RGPD4: variants seen among roughly 807,000 people sequenced by gnomAD.
RGPD4 encodes the protein ranBP2-like and GRIP domain-containing protein 4.
In RGPD4, 84 loss-of-function variants were observed where a neutral mutation model predicts 141.1. That is an observed-to-expected ratio of 0.60 (90% CI 0.50 to 0.71). The LOEUF is 0.71. Among genes scored for constraint, RGPD4 ranks in the 30% least tolerant of loss-of-function variants. The pLI, the probability that RGPD4 is intolerant of heterozygous loss-of-function variation, is 0.00. For synonymous variants in RGPD4, 298 were observed against 566.8 expected, an observed-to-expected ratio of 0.53 and a Z score of 6.74; for missense variants, 918 against 1,622.4, an observed-to-expected ratio of 0.57 and a Z score of 7.46.
At chr2:107,883,621 A>G (rs1410906628) in intron 22 of RGPD4, among the ~76,000 whole-genome samples, 52 of 63,384 alleles carry the variant, frequency 8.2e-4, no homozygotes, top group Non-Finnish European at 1.5e-3. Flanking sequence ...GCGAGACTCC[A>G]TCTCAAAAAA....
At chr2:107,858,448 C>G (rs1277112973) in intron 9 of RGPD4, among the ~76,000 whole-genome samples, 13 of 139,000 alleles carry the variant, frequency 9.4e-5, no homozygotes, top group African/African-American at 3.2e-4. Context: ...CTTTTCTTTT[C>G]TTTTTTTTGA....
At chr2:107,876,776 G>A (rs1246869820) in intron 20 of RGPD4, among the ~76,000 whole-genome samples, 1 of 151,838 alleles carries the variant, frequency 6.6e-6, no homozygotes, top group African/African-American at 2.4e-5. Flanking sequence ...TTTAGTATAT[G>A]CCAAAGAATC....
rs1484600684 is a variant in RGPD4 at position 107,846,570 on chromosome 2, G to A, written c.783-1771G>A. On this transcript the variant is annotated intron_variant, in intron 6 of 22. Coordinates refer to ENST00000408999, the MANE Select transcript of RGPD4 (RefSeq NM_182588.3). ...CAACCTCTGCTTCCCAGGTTCAAGCGATTCTCCTGCCTCAGCCTCCCAAGT... is the reference window on the plus strand; with the variant it reads ...CAACCTCTGCTTCCCAGGTTCAAGCAATTCTCCTGCCTCAGCCTCCCAAGT... Among the ~76,000 whole-genome samples, 15 of 149,920 alleles carry A rather than the reference G, an allele frequency of 1.0e-4. No individual in the cohort carries two copies. The East Asian group carries it at 2.5e-3, about 24-fold the overall frequency.
intron 20 of RGPD4, among the ~76,000 whole-genome samples, chr2:107,873,667 AG>A (rs1270626037): frequency 6.6e-6 from 1 of 151,846 alleles, no homozygotes; most frequent in Non-Finnish European, 1.5e-5. Context: ...AAAGGAGCAA[AG>A]AATGAAACTA....
chr2:107,853,941 G>A lies in RGPD4; in HGVS notation c.979-615G>A, dbSNP rs1396688417. Among the ~76,000 whole-genome samples the A allele has an allele frequency of 3.8e-5, 5 of 131,056 alleles. No individual in the cohort carries two copies. The East Asian group carries it at 1.1e-3, about 28-fold the overall frequency. The allele number at this position is 131,056 out of a possible 152,430, so 86.0% of individuals were successfully genotyped here. ...TAAAAAAAACTTTTTTTAGAGATAG[G>A]GTCTCACCGTGTTGTTCAGGCTGGT... On this transcript the variant is annotated intron_variant, in intron 7 of 22. Transcript: ENST00000408999.
In RGPD4 at chr2:107,882,746, G is replaced by A; in HGVS notation, c.5139G>A (p.Leu1713=). ...QEESAANVEH[L]KNVLLQFIFL... ...AGTCTGCAGCTAACGTGGAACACTTGAAGAACGTCTTGCTGCAGTTCATTT... is the reference window on the plus strand; with the variant it reads ...AGTCTGCAGCTAACGTGGAACACTTAAAGAACGTCTTGCTGCAGTTCATTT... The change falls in exon 22 of 23, where the codon TTG becomes TTA. Residue 1713 remains leucine, a synonymous_variant. Coordinates refer to ENST00000408999, the MANE Select transcript of RGPD4 (RefSeq NM_182588.3). 1 of 1,611,660 alleles carries A rather than the reference G, an allele frequency of 6.2e-7. No homozygotes were observed.
chr2:107,882,702 A>G lies in RGPD4; in HGVS notation c.5095A>G (p.Arg1699Gly), dbSNP rs1368754105. 1.9e-6 allele frequency: 3 copies of G among 1,611,646 alleles called. No homozygotes were observed. In the South Asian group the frequency reaches 3.3e-5, roughly 18 times the overall value. The change falls in exon 22 of 23, where the codon AGG (arginine) becomes GGG (glycine). Residue 1699 changes from arginine (R) to glycine (G), a missense_variant. By Grantham distance (125) the Arg-to-Gly change is moderately radical. Coordinates refer to ENST00000408999, the MANE Select transcript of RGPD4 (RefSeq NM_182588.3). Reference sequence around the variant, plus strand: ...CAAAAGTGAAATAAGAAGATTGGAAAGGAATCAAGAGCAAGAGGAGTCTGC... The same window carrying G: ...CAAAAGTGAAATAAGAAGATTGGAAGGGAATCAAGAGCAAGAGGAGTCTGC... Reference protein sequence around the residue: ...LLKSEIRRLERNQEQEESAAN... With the variant: ...LLKSEIRRLEGNQEQEESAAN...
At chr2:107,855,624 GT>G (rs1285521988) in intron 8 of RGPD4, among the ~76,000 whole-genome samples, 1 of 141,664 alleles carries the variant, frequency 7.1e-6, no homozygotes, top group African/African-American at 2.6e-5. Context: ...TCGAAGGAGG[GT>G]TTTTTTAAAA....
intron 6 of RGPD4, among the ~76,000 whole-genome samples, chr2:107,845,414 G>A (rs549576019): frequency 4.0e-5 from 6 of 150,506 alleles, no homozygotes; most frequent in Admixed American, 2.0e-4. Context: ...CCTGAGGACA[G>A]CCCTTGGCCC....
At chr2:107,833,272 G>GA (rs1455172344) in intron 1 of RGPD4, among the ~76,000 whole-genome samples, 1 of 152,048 alleles carries the variant, frequency 6.6e-6, no homozygotes, top group East Asian at 1.9e-4. Flanking sequence ...ACTGCATAAT[G>GA]AAAAAGTAGG....
At position 107,883,037 on chromosome 2, in the gene RGPD4, T is replaced by A. The variant is rs968544435; in HGVS notation, c.5266+164T>A. On this transcript the variant is annotated intron_variant, in intron 22 of 22. Transcript: ENST00000408999. ...GATTTGAAAAGCTGACTTTTTAACA[T>A]CTTGGGGCAACTGTAGTACATTTAT... 10 of 1,208,976 alleles carry A rather than the reference T, an allele frequency of 8.3e-6. 1 individual carries two copies. Among genetic ancestry groups the A allele is most frequent in the African/African-American group, 3.1e-5 (2 of 64,018 alleles). 74.9% of individuals were successfully genotyped at this position (1,208,976 alleles called of 1,614,324 possible).
intron 1 of RGPD4, among the ~76,000 whole-genome samples, chr2:107,829,942 TGG>T (rs1681417339): frequency 6.6e-6 from 1 of 151,922 alleles, no homozygotes; most frequent in Non-Finnish European, 1.5e-5. Flanking sequence ...AGGAACCCAG[TGG>T]GGACTGACGC....
chr2:107,849,670 CTT>C (rs551638640), intron 7 of RGPD4, among the ~76,000 whole-genome samples: 44 of 60,772 alleles, frequency 7.2e-4, no homozygotes, highest in South Asian at 1.2e-3. Context: ...CATGCCCAGC[CTT>C]TTTTTTTTTT....
At chr2:107,833,853 T>C (rs1681578754) in intron 1 of RGPD4, among the ~76,000 whole-genome samples, 1 of 152,086 alleles carries the variant, frequency 6.6e-6, no homozygotes, top group Admixed American at 6.5e-5. Context: ...CTGGCCAACA[T>C]GGTGAAACCC....
chr2:107,859,920 T>A, intron 12 of RGPD4, 75 bp downstream of exon 12: 1 of 1,496,262 alleles, frequency 6.7e-7, no homozygotes, highest in Non-Finnish European at 8.9e-7. Context: ...TTATTGAAAG[T>A]TTTTTTGTTC....
rs542057138 is a variant in RGPD4 at position 107,890,838 on chromosome 2, A to C, written c.*107A>C. The C allele has an allele frequency of 4.2e-4, 628 of 1,489,844 alleles. 3 individuals carry two copies. The East Asian group carries it at 0.013, about 31-fold the overall frequency. 92.3% of individuals were successfully genotyped at this position (1,489,844 alleles called of 1,614,324 possible). On this transcript the variant is annotated 3_prime_UTR_variant, in exon 23 of 23. Coordinates refer to ENST00000408999, the MANE Select transcript of RGPD4 (RefSeq NM_182588.3). ...ATTAACCAAATAAAATCTATTTACA[A>C]AAATGGTTCATGTGTATTACCATCA...
chr2:107,885,613 G>A (rs1453177401), intron 22 of RGPD4, among the ~76,000 whole-genome samples: 1 of 152,074 alleles, frequency 6.6e-6, no homozygotes, highest in African/African-American at 2.4e-5. Flanking sequence ...TAAACAGACA[G>A]GAAAACACAT....
At position 107,872,140 on chromosome 2, in the gene RGPD4, T is replaced by C. The variant is rs756820833; in HGVS notation, c.4136T>C (p.Ile1379Thr). The C allele has an allele frequency of 2.4e-5, 39 of 1,611,412 alleles. 1 individual carries two copies. In the Admixed American group the frequency reaches 6.0e-4, roughly 25 times the overall value. The change falls in exon 20 of 23, where the codon ATT (isoleucine) becomes ACT (threonine). Residue 1379 changes from isoleucine (I) to threonine (T), a missense_variant. Ile to Thr is a moderately conservative substitution (Grantham distance 89, BLOSUM62 -1). Transcript: ENST00000408999. The part of the protein sequence containing the change: ...KDVGQWKERG[I>T]GDIKILQNYD... ...GTTGGTCAATGGAAAGAAAGGGGCATTGGTGATATAAAGATTTTACAGAAT... is the reference window on the plus strand; with the variant it reads ...GTTGGTCAATGGAAAGAAAGGGGCACTGGTGATATAAAGATTTTACAGAAT...
rs776335225 is a variant in RGPD4, at chr2:107,826,985, C to T, written c.-29C>T. Reference sequence around the variant, plus strand: ...GCTGCGGGGCTGAGCGCTGGTTTCACGCGTCTCGGGAGCCAGGTTGGTGGC... The same window carrying T: ...GCTGCGGGGCTGAGCGCTGGTTTCATGCGTCTCGGGAGCCAGGTTGGTGGC... On this transcript the variant is annotated 5_prime_UTR_variant, in exon 1 of 23. In the 5' UTR this introduces an upstream ATG that the reference lacks. Transcript: ENST00000408999. 3.1e-6 allele frequency: 5 copies of T among 1,587,644 alleles called. No individual in the cohort carries two copies. Among genetic ancestry groups the T allele is most frequent in the Admixed American group, 3.6e-5 (2 of 56,274 alleles).
Sources: allele counts gnomAD v4.1 joint callset (sites outside exome capture counted in the v4.1 genomes callset), GRCh38; gene constraint gnomAD v4.1.1; transcripts MANE v1.5; gene names NCBI Gene and HGNC (gene_info 2026-07-23, HGNC 2026-07-21).